The following NRG3 variants were observed in gnomAD, a reference collection of about 807,000 sequenced individuals.
NRG3 encodes neuregulin 3.
Under a neutral mutation model 66.9 loss-of-function variants are expected in NRG3, and 31 were observed. The ratio of observed to expected loss-of-function variants is 0.46; its 90% CI spans 0.35 to 0.63. The LOEUF (loss-of-function observed/expected upper bound fraction) is 0.63, where lower values mean the gene tolerates loss of function less well. NRG3 is among the 20% of genes least tolerant of loss of function. The pLI, the probability that NRG3 is intolerant of heterozygous loss-of-function variation, is 0.00. For synonymous variants in NRG3, 393 were observed against 359.4 expected (o/e 1.09, Z -1.06); for missense variants, 910 against 878.9 (o/e 1.04, Z -0.45).
intron 1 of NRG3, among the ~76,000 whole-genome samples, chr10:82,305,157 G>C (rs1210223987): frequency 6.6e-6 from 1 of 151,426 alleles, no homozygotes; most frequent in African/African-American, 2.4e-5. Context: ...ACCACGCTCG[G>C]CTAATTTTTT....
At chr10:82,448,880 C>T (rs530601429) in intron 2 of NRG3, among the ~76,000 whole-genome samples, 1 of 152,168 alleles carries the variant, frequency 6.6e-6, no homozygotes, top group South Asian at 2.1e-4. Context: ...CATTTGTACC[C>T]TCAAAGTAAC....
At chr10:82,346,999 A>T (rs2083072290) in intron 1 of NRG3, among the ~76,000 whole-genome samples, 1 of 151,196 alleles carries the variant, frequency 6.6e-6, no homozygotes, top group African/African-American at 2.4e-5. Context: ...AATTTTGTTG[A>T]TCCTTTCAAA....
chr10:82,703,057 T>C (rs2056016799), intron 2 of NRG3, among the ~76,000 whole-genome samples: 1 of 27,714 alleles, frequency 3.6e-5, no homozygotes, highest in Non-Finnish European at 1.4e-4. Context: ...CTTTTGTCTT[T>C]CTCTCTCTCT....
intron 2 of NRG3, among the ~76,000 whole-genome samples, chr10:82,634,633 A>G (rs2050065134): frequency 6.6e-6 from 1 of 152,208 alleles, no homozygotes; most frequent in Admixed American, 6.5e-5. Context: ...ATAGTTAGAA[A>G]GTCTGGCAGA....
rs78311723 is a variant in NRG3 at position 82,517,989 on chromosome 10, C to T, written c.953+159121C>T. Reference sequence around the variant, plus strand: ...GACTCTGTCCTATGGGATAGATCTACGCGTATTTGGGGAAACACATTGGCC... The same window carrying T: ...GACTCTGTCCTATGGGATAGATCTATGCGTATTTGGGGAAACACATTGGCC... On this transcript the variant is annotated intron_variant, in intron 2 of 8. Transcript: ENST00000372141. Among the ~76,000 whole-genome samples the T allele has an allele frequency of 5.1e-4, 77 of 152,168 alleles. 1 individual carries two copies. The East Asian group carries it at 0.012, about 24-fold the overall frequency.
intron 1 of NRG3, among the ~76,000 whole-genome samples, chr10:81,955,917 A>G (rs1849789520): frequency 6.6e-6 from 1 of 152,124 alleles, no homozygotes; most frequent in African/African-American, 2.4e-5. Context: ...TATATCCAGA[A>G]CAGAATTTTG....
In NRG3 at chr10:81,890,224, T is replaced by C. The variant is rs1842910645; in HGVS notation, c.823+14061T>C. Among the ~76,000 whole-genome samples, 3 of 152,266 alleles carry C rather than the reference T, an allele frequency of 2.0e-5. No individual in the cohort carries two copies. In the Middle Eastern group the frequency reaches 0.01, roughly 518 times the overall value. On this transcript the variant is annotated intron_variant, in intron 1 of 8. Coordinates refer to ENST00000372141, the MANE Select transcript of NRG3 (RefSeq NM_001010848.4). ...GCACCTGAAACATTACTTTCTAGAATGGCAAGGAAGGGTTTAAGCCTTTCG... is the reference window on the plus strand; with the variant it reads ...GCACCTGAAACATTACTTTCTAGAACGGCAAGGAAGGGTTTAAGCCTTTCG...
chr10:81,959,988 A>C (rs536222186), intron 1 of NRG3, among the ~76,000 whole-genome samples: 1 of 152,208 alleles, frequency 6.6e-6, no homozygotes, highest in Admixed American at 6.5e-5. Flanking sequence ...TACTAAATTA[A>C]TATGCATGCC....
At chr10:82,157,762 A>G in intron 1 of NRG3, among the ~76,000 whole-genome samples, 1 of 151,388 alleles carries the variant, frequency 6.6e-6, no homozygotes, top group East Asian at 1.9e-4. Context: ...TAAAATGTTA[A>G]GGGAGAAGGA....
intron 2 of NRG3, among the ~76,000 whole-genome samples, chr10:82,550,106 T>G (rs184734822): frequency 6.6e-6 from 1 of 152,312 alleles, no homozygotes; most frequent in East Asian, 1.9e-4. Context: ...GTGAGTTTCC[T>G]CTAGTTCAAT....
chr10:82,395,266 C>CGTTATT (rs2135997025), intron 2 of NRG3, among the ~76,000 whole-genome samples: 1 of 152,122 alleles, frequency 6.6e-6, no homozygotes, highest in South Asian at 2.1e-4. Flanking sequence ...GCTTGTTGCA[C>CGTTATT]GTTATTGTGG....
intron 1 of NRG3, among the ~76,000 whole-genome samples, chr10:82,343,204 A>G (rs910264898): frequency 8.5e-5 from 13 of 152,178 alleles, no homozygotes; most frequent in African/African-American, 2.9e-4. Context: ...TGATTTCAGT[A>G]AAGTTTCAGG....
chr10:82,352,016 A>C (rs2083464679), intron 1 of NRG3, among the ~76,000 whole-genome samples: 1 of 152,206 alleles, frequency 6.6e-6, no homozygotes, highest in Admixed American at 6.5e-5. Context: ...ACTCCCAGGG[A>C]GGCTGTTTTG....
intron 1 of NRG3, among the ~76,000 whole-genome samples, chr10:82,013,721 C>T (rs2061673807): frequency 6.7e-6 from 1 of 149,008 alleles, no homozygotes; most frequent in Admixed American, 6.7e-5. Context: ...ATATTCTGTT[C>T]ATTATCTCTA....
intron 1 of NRG3, among the ~76,000 whole-genome samples, chr10:82,101,916 T>C (rs1383893973): frequency 6.8e-6 from 1 of 146,624 alleles, no homozygotes; most frequent in Non-Finnish European, 1.5e-5. Flanking sequence ...AGTTTTGAAA[T>C]CTTAAAGAAT....
At chr10:82,828,412 G>A (rs1298326361) in intron 3 of NRG3, among the ~76,000 whole-genome samples, 3 of 152,126 alleles carry the variant, frequency 2.0e-5, no homozygotes, top group Non-Finnish European at 4.4e-5. Flanking sequence ...CCATTTTGAG[G>A]ATGAGGAAAC....
At chr10:82,676,415 T>A (rs1322793448) in intron 2 of NRG3, among the ~76,000 whole-genome samples, 1 of 152,200 alleles carries the variant, frequency 6.6e-6, no homozygotes, top group Non-Finnish European at 1.5e-5. Context: ...CCAGCCACCC[T>A]CTTATTCATG....
chr10:82,693,704 T>C (rs1191581509), intron 2 of NRG3, among the ~76,000 whole-genome samples: 1 of 152,156 alleles, frequency 6.6e-6, no homozygotes, highest in Non-Finnish European at 1.5e-5. Flanking sequence ...GTGTTACAGC[T>C]CTTAAAGGTG....
intron 2 of NRG3, among the ~76,000 whole-genome samples, chr10:82,654,983 A>G (rs1387966434): frequency 6.6e-6 from 1 of 151,998 alleles, no homozygotes; most frequent in East Asian, 1.9e-4. Context: ...AAAGCAAATT[A>G]TTGTCTAAAT....
Sources: gnomAD v4.1 joint callset for allele counts (sites outside exome capture counted in the v4.1 genomes callset) on GRCh38, gnomAD v4.1.1 for gene constraint, MANE v1.5 for transcripts, NCBI Gene and HGNC (gene_info 2026-07-23, HGNC 2026-07-21) for gene names.